MAGI1: variants seen among roughly 807,000 people sequenced by gnomAD.
The protein encoded by MAGI1 is membrane-associated guanylate kinase, WW and PDZ domain-containing protein 1.
Under a neutral mutation model 139.9 loss-of-function variants are expected in MAGI1, and 58 were observed. The observed-to-expected ratio is 0.41, with a 90% CI of 0.34 to 0.52. The LOEUF is 0.52. MAGI1 is among the 20% of genes least tolerant of loss of function. MAGI1 has a pLI of 0.12. For synonymous variants in MAGI1, 812 were observed against 737.9 expected (o/e 1.10, Z -1.63); for missense variants, 1,874 against 1,901.6 (o/e 0.99, Z 0.27).
At chr3:65,505,655 T>TAATAAG (rs1372614782) in intron 2 of MAGI1, among the ~76,000 whole-genome samples, 1 of 149,356 alleles carries the variant, frequency 6.7e-6, no homozygotes, top group Non-Finnish European at 1.5e-5. Flanking sequence ...ATAATAATAA[T>TAATAAG]AATAATAATA....
At chr3:65,764,302 C>G (rs2037294913) in intron 1 of MAGI1, among the ~76,000 whole-genome samples, 1 of 151,940 alleles carries the variant, frequency 6.6e-6, no homozygotes, top group African/African-American at 2.4e-5. Flanking sequence ...AAATGTAAAG[C>G]AAGCCAGCAT....
At chr3:65,470,769 G>A (rs1360590356) in intron 4 of MAGI1, among the ~76,000 whole-genome samples, 1 of 152,086 alleles carries the variant, frequency 6.6e-6, no homozygotes, top group Non-Finnish European at 1.5e-5. Context: ...AAATGTCAAA[G>A]AAGAAACCAA....
chr3:65,508,852 C>T (rs913085185), intron 2 of MAGI1, among the ~76,000 whole-genome samples: 4 of 152,202 alleles, frequency 2.6e-5, no homozygotes, highest in African/African-American at 9.6e-5. Context: ...CTGGTTCTCA[C>T]TCTTGGGTTC....
chr3:65,746,139 G>A lies in MAGI1; in HGVS notation c.314-124051C>T, dbSNP rs144067815. On this transcript the variant is annotated intron_variant, in intron 1 of 22. Coordinates refer to ENST00000402939, the MANE Select transcript of MAGI1 (RefSeq NM_001033057.2). ...CAACCTCTGCCTCCCAGGTTCAAGC[G>A]ATTCTCCTTCCTCAGCCTCCCAACT... Among the ~76,000 whole-genome samples, 620 of 152,156 alleles carry A rather than the reference G, an allele frequency of 4.1e-3. 8 individuals carry two copies. Among genetic ancestry groups the A allele is most frequent in the African/African-American group, 0.014 (581 of 41,508 alleles).
chr3:65,534,140 T>TTGTG (rs144576770), intron 2 of MAGI1, among the ~76,000 whole-genome samples: 12 of 151,956 alleles, frequency 7.9e-5, no homozygotes, highest in Non-Finnish European at 1.8e-4. Context: ...TGTTGTATGT[T>TTGTG]TGTGTGTGTG....
At chr3:65,772,892 G>T (rs1046996094) in intron 1 of MAGI1, among the ~76,000 whole-genome samples, 3 of 152,126 alleles carry the variant, frequency 2.0e-5, no homozygotes, top group African/African-American at 4.8e-5. Flanking sequence ...TTTAAGGAGG[G>T]GAAGCAATGG....
intron 1 of MAGI1, among the ~76,000 whole-genome samples, chr3:65,669,509 T>C (rs2086727376): frequency 6.6e-6 from 1 of 152,218 alleles, no homozygotes. Flanking sequence ...AAGCAGAATG[T>C]CTTGAAGAGT....
intron 1 of MAGI1, among the ~76,000 whole-genome samples, chr3:65,668,073 C>T (rs2086638325): frequency 6.6e-6 from 1 of 152,152 alleles, no homozygotes; most frequent in Non-Finnish European, 1.5e-5. Context: ...GAACTCCAAA[C>T]CCAGGCTGCT....
chr3:65,745,204 T>C (rs2035603744), intron 1 of MAGI1, among the ~76,000 whole-genome samples: 1 of 152,080 alleles, frequency 6.6e-6, no homozygotes, highest in South Asian at 2.1e-4. Context: ...GCTTTGTGTC[T>C]CAAATAAGGT....
At chr3:66,028,638 C>T (rs1022197527) in intron 1 of MAGI1, among the ~76,000 whole-genome samples, 3 of 152,168 alleles carry the variant, frequency 2.0e-5, no homozygotes, top group Admixed American at 6.5e-5. Context: ...TGCCTGAACA[C>T]GCAAGAACTC....
chr3:65,496,266 C>CA (rs1952441660), intron 2 of MAGI1, among the ~76,000 whole-genome samples: 1 of 151,124 alleles, frequency 6.6e-6, no homozygotes, highest in Admixed American at 6.6e-5. Flanking sequence ...TGGTCTCTAA[C>CA]TCCTGGCTTC....
chr3:65,641,612 T>TA (rs2084988372), intron 1 of MAGI1, among the ~76,000 whole-genome samples: 1 of 152,112 alleles, frequency 6.6e-6, no homozygotes, highest in Non-Finnish European at 1.5e-5. Context: ...AGAAGAAATA[T>TA]AAGACTCTGA....
At chr3:65,674,892 T>C (rs997162839) in intron 1 of MAGI1, among the ~76,000 whole-genome samples, 3 of 152,202 alleles carry the variant, frequency 2.0e-5, no homozygotes, top group Admixed American at 6.5e-5. Context: ...TTTGTGTTAA[T>C]AAATACACTT....
intron 12 of MAGI1, among the ~76,000 whole-genome samples, chr3:65,416,460 T>A (rs976568993): frequency 2.6e-5 from 4 of 152,140 alleles, no homozygotes; most frequent in Non-Finnish European, 5.9e-5. Flanking sequence ...ATACACCAAA[T>A]GAGATTTCTA....
At chr3:65,731,946 T>C (rs1006409259) in intron 1 of MAGI1, among the ~76,000 whole-genome samples, 2 of 152,244 alleles carry the variant, frequency 1.3e-5, no homozygotes, top group Non-Finnish European at 2.9e-5. Flanking sequence ...TTGTCAGAGT[T>C]GATTACTTGT....
chr3:65,479,431 T>C (rs946792200), intron 3 of MAGI1, among the ~76,000 whole-genome samples: 20 of 151,864 alleles, frequency 1.3e-4, no homozygotes, highest in African/African-American at 4.8e-4. Context: ...GTGGCCCATC[T>C]TCACTTTCAG....
At chr3:66,006,736 T>C (rs7636143) in intron 1 of MAGI1, among the ~76,000 whole-genome samples, 57,599 of 151,970 alleles carry the variant, frequency 0.38, 12,151 homozygotes, top group East Asian at 0.65. Flanking sequence ...AACAGGGGAA[T>C]GGGATTATGA....
At chr3:65,932,008 C>G (rs193007236) in intron 1 of MAGI1, among the ~76,000 whole-genome samples, 7 of 152,246 alleles carry the variant, frequency 4.6e-5, no homozygotes, top group Admixed American at 1.3e-4. Context: ...AAATCAGCCA[C>G]AGAGATAAAT....
intron 1 of MAGI1, among the ~76,000 whole-genome samples, chr3:65,708,900 A>C (rs1171442589): frequency 2.0e-5 from 3 of 152,184 alleles, no homozygotes; most frequent in Admixed American, 2.0e-4. Context: ...AATCCACCCA[A>C]GCAGGAAGGA....
Sources: allele counts gnomAD v4.1 joint callset (sites outside exome capture counted in the v4.1 genomes callset), GRCh38; gene constraint gnomAD v4.1.1; transcripts MANE v1.5; gene names NCBI Gene and HGNC (gene_info 2026-07-23, HGNC 2026-07-21).